ATP2A2: variants seen among roughly 807,000 people sequenced by gnomAD.
ATP2A2 encodes sarcoplasmic/endoplasmic reticulum calcium ATPase 2.
Under a neutral mutation model 109.3 loss-of-function variants are expected in ATP2A2, and 14 were observed. The observed-to-expected ratio is 0.13, with a 90% CI of 0.08 to 0.20. ATP2A2 has a LOEUF of 0.20. Among genes scored for constraint, ATP2A2 ranks in the 10% least tolerant of loss-of-function variants. The pLI is 1.00. For synonymous variants in ATP2A2, 506 were observed against 490.9 expected, an observed-to-expected ratio of 1.03 and a Z score of -0.41; for missense variants, 657 against 1,321.6, an observed-to-expected ratio of 0.50 and a Z score of 7.80.
intron 6 of ATP2A2, 25 bp from the exon 7 acceptor site, chr12:110,326,365 T>A (rs1399871869): frequency 1.2e-6 from 2 of 1,605,496 alleles, no homozygotes; most frequent in African/African-American, 2.7e-5. Context: ...AGAGATCTGT[T>A]TTTTCTGTCT....
intron 4 of ATP2A2, among the ~76,000 whole-genome samples, chr12:110,292,959 G>T (rs141099257): frequency 6.9e-4 from 105 of 152,216 alleles, no homozygotes; most frequent in African/African-American, 2.5e-3. Context: ...GGTAGGTTTA[G>T]CTATAAAAAT....
intron 4 of ATP2A2, among the ~76,000 whole-genome samples, chr12:110,294,095 G>A (rs1873694841): frequency 6.6e-6 from 1 of 151,726 alleles, no homozygotes; most frequent in East Asian, 2.0e-4. Context: ...CCAGGCTGGA[G>A]TGCAGTGGCA....
chr12:110,310,276 C>T (rs1193632391), intron 5 of ATP2A2, among the ~76,000 whole-genome samples: 9 of 151,866 alleles, frequency 5.9e-5, no homozygotes, highest in African/African-American at 1.5e-4. Context: ...CATGAACCAC[C>T]GTGCCCGGCC....
At chr12:110,304,542 G>A (rs1284826762) in intron 5 of ATP2A2, among the ~76,000 whole-genome samples, 4 of 152,084 alleles carry the variant, frequency 2.6e-5, no homozygotes, top group Admixed American at 2.0e-4. Flanking sequence ...ATGATGTTGG[G>A]CATCTTTTCA....
chr12:110,320,833 A>G (rs947486489), intron 5 of ATP2A2, among the ~76,000 whole-genome samples: 1 of 152,212 alleles, frequency 6.6e-6, no homozygotes, highest in African/African-American at 2.4e-5. Flanking sequence ...TACTTAGGCT[A>G]TAGCATTGTT....
intron 3 of ATP2A2, among the ~76,000 whole-genome samples, chr12:110,290,231 C>T (rs1037760892): frequency 9.2e-5 from 14 of 152,202 alleles, no homozygotes; most frequent in East Asian, 3.8e-4. Context: ...ATGAGGGTCT[C>T]GCTATGTTGC....
intron 5 of ATP2A2, among the ~76,000 whole-genome samples, chr12:110,307,406 A>C (rs1038076773): frequency 1.3e-5 from 2 of 150,556 alleles, no homozygotes; most frequent in Non-Finnish European, 3.0e-5. Context: ...TCATTTTTAA[A>C]TTTTTTCGTA....
chr12:110,287,651 G>A (rs1478918975), intron 3 of ATP2A2, among the ~76,000 whole-genome samples: 3 of 152,156 alleles, frequency 2.0e-5, no homozygotes, highest in South Asian at 2.1e-4. Context: ...GTCCTGCTCT[G>A]TCGCCCAGAT....
rs1879979496 is a variant in ATP2A2 at position 110,347,369 on chromosome 12, A to G, written c.*899A>G. On this transcript the variant is annotated 3_prime_UTR_variant, in exon 20 of 20. Transcript: ENST00000539276. ...CGTAAGTGGCTTACCTGGGACTAACAGACATGTCCAACTTTCTCTCCAGTT... is the reference window on the plus strand; with the variant it reads ...CGTAAGTGGCTTACCTGGGACTAACGGACATGTCCAACTTTCTCTCCAGTT... The G allele has an allele frequency of 7.8e-7, 1 of 1,289,116 alleles. No individual in the cohort carries two copies. Among genetic ancestry groups the G allele is most frequent in the Admixed American group, 2.3e-5 (1 of 43,520 alleles). 79.9% of individuals were successfully genotyped at this position (1,289,116 alleles called of 1,614,324 possible).
At chr12:110,281,023 C>G (rs1452658977), upstream of ATP2A2, 1 of 151,834 alleles carries the variant, frequency 6.6e-6, no homozygotes, top group African/African-American at 2.4e-5. Flanking sequence ...CCTCCGCCAG[C>G]CCCGCGACCG....
At chr12:110,314,439 G>C (rs1489242400) in intron 5 of ATP2A2, among the ~76,000 whole-genome samples, 1 of 152,074 alleles carries the variant, frequency 6.6e-6, no homozygotes, top group Non-Finnish European at 1.5e-5. Flanking sequence ...CTTGGTGGGA[G>C]TATACATTTG....
intron 5 of ATP2A2, among the ~76,000 whole-genome samples, chr12:110,304,247 C>T (rs983217452): frequency 6.6e-6 from 1 of 152,166 alleles, no homozygotes; most frequent in African/African-American, 2.4e-5. Context: ...CTTGTACATA[C>T]ATGCTTGTAC....
chr12:110,349,342 A>C lies in ATP2A2; in HGVS notation c.*2872A>C. 2.0e-6 allele frequency: 2 copies of C among 985,450 alleles called. No individual in the cohort carries two copies. Among genetic ancestry groups the C allele is most frequent in the South Asian group, 9.4e-5 (2 of 21,288 alleles). 61.0% of individuals were successfully genotyped at this position (985,450 alleles called of 1,614,324 possible). A position where few individuals can be genotyped will look rare whatever the true frequency, so the allele number is the denominator to read the frequency against. ...GTCAGGCAGCTCTTGCCTGAAACTT[A>C]CTTCCACATTCTTTCCTGATGGGCA... On this transcript the variant is annotated 3_prime_UTR_variant, in exon 20 of 20. Coordinates refer to ENST00000539276, the MANE Select transcript of ATP2A2 (RefSeq NM_170665.4).
At chr12:110,299,052 G>T (rs758631014) in intron 5 of ATP2A2, among the ~76,000 whole-genome samples, 1 of 151,502 alleles carries the variant, frequency 6.6e-6, no homozygotes, top group Admixed American at 6.6e-5. Flanking sequence ...TCACTGCAGC[G>T]TTGACCTCCT....
chr12:110,347,162 C>T lies in ATP2A2; in HGVS notation c.*692C>T, dbSNP rs559633641. 8.4e-7 allele frequency: 1 copy of T among 1,185,442 alleles called. No homozygotes were observed. Among genetic ancestry groups the T allele is most frequent in the African/African-American group, 1.6e-5 (1 of 62,424 alleles). 73.4% of individuals were successfully genotyped at this position (1,185,442 alleles called of 1,614,324 possible). A position where few individuals can be genotyped will look rare whatever the true frequency, so the allele number is the denominator to read the frequency against. The stretch of plus-strand genomic sequence containing the variant: ...TGTGCAGAAAACATTGTTCCAGATT[C>T]AATCGACTGGGTTTATGTCCCTTCA... On this transcript the variant is annotated 3_prime_UTR_variant, in exon 20 of 20. Coordinates refer to ENST00000539276, the MANE Select transcript of ATP2A2 (RefSeq NM_170665.4).
At chr12:110,288,057 T>A (rs1872844831) in intron 3 of ATP2A2, among the ~76,000 whole-genome samples, 1 of 148,082 alleles carries the variant, frequency 6.8e-6, no homozygotes, top group South Asian at 2.1e-4. Context: ...TTCTTGAGCC[T>A]CCCAAGTAGC....
intron 4 of ATP2A2, among the ~76,000 whole-genome samples, chr12:110,295,608 A>G (rs1175522659): frequency 1.3e-5 from 2 of 152,180 alleles, no homozygotes; most frequent in African/African-American, 4.8e-5. Context: ...GAATTTCCCA[A>G]TTAAGGTTTT....
chr12:110,301,404 C>T (rs969680382), intron 5 of ATP2A2, among the ~76,000 whole-genome samples: 3 of 152,280 alleles, frequency 2.0e-5, no homozygotes, highest in Admixed American at 6.5e-5. Context: ...CAGTCCTTCC[C>T]GTCTTTTGTA....
At chr12:110,311,098 T>C (rs758691509) in intron 5 of ATP2A2, among the ~76,000 whole-genome samples, 3 of 152,246 alleles carry the variant, frequency 2.0e-5, no homozygotes, top group Non-Finnish European at 4.4e-5. Context: ...TGTGGACTTT[T>C]TTTTGCTTTT....
Sources: allele counts gnomAD v4.1 joint callset (sites outside exome capture counted in the v4.1 genomes callset), GRCh38; gene constraint gnomAD v4.1.1; transcripts MANE v1.5; gene names NCBI Gene and HGNC (gene_info 2026-07-23, HGNC 2026-07-21).